Variants in ARHGAP32 observed in about 807,000 individuals in gnomAD.
ARHGAP32 encodes the protein rho GTPase-activating protein 32.
In ARHGAP32, 51 loss-of-function variants were observed where a neutral mutation model predicts 186.5. The ratio of observed to expected loss-of-function variants is 0.27; its 90% CI spans 0.22 to 0.35. ARHGAP32 has a LOEUF of 0.35. Ranked by LOEUF, ARHGAP32 falls within the 10% of genes least tolerant of loss-of-function variation. The pLI is 1.00. For synonymous variants in ARHGAP32, 950 were observed against 964.3 expected, an observed-to-expected ratio of 0.99 and a Z score of 0.27; for missense variants, 2,186 against 2,623.5, an observed-to-expected ratio of 0.83 and a Z score of 3.64.
At chr11:129,278,006 C>G (rs1945553869) in intron 1 of ARHGAP32, among the ~76,000 whole-genome samples, 1 of 152,194 alleles carries the variant, frequency 6.6e-6, no homozygotes, top group South Asian at 2.1e-4. Context: ...GTCACTGATT[C>G]AAACTAGCAA....
intron 2 of ARHGAP32, among the ~76,000 whole-genome samples, chr11:129,156,440 G>T (rs1047731779): frequency 6.6e-6 from 1 of 152,162 alleles, no homozygotes; most frequent in African/African-American, 2.4e-5. Context: ...GCTTGAACAG[G>T]CAATTTTCCC....
chr11:129,260,748 CAAT>C (rs1311624489), intron 1 of ARHGAP32, among the ~76,000 whole-genome samples: 23 of 152,018 alleles, frequency 1.5e-4, no homozygotes, highest in Admixed American at 1.5e-3. Context: ...AATCTTAGCA[CAAT>C]AAAATATGTT....
chr11:129,089,335 T>G (rs1941508684), intron 6 of ARHGAP32, among the ~76,000 whole-genome samples: 1 of 152,136 alleles, frequency 6.6e-6, no homozygotes, highest in Admixed American at 6.5e-5. Context: ...AACACATAAA[T>G]AAAATGATAG....
chr11:129,196,330 G>A (rs560419873), upstream of ARHGAP32, among the ~76,000 whole-genome samples: 10 of 152,258 alleles, frequency 6.6e-5, no homozygotes, highest in South Asian at 1.9e-3. Flanking sequence ...AAAAAAGAGG[G>A]ATGGTCCTAT....
At chr11:129,126,460 T>C (rs7944939) in intron 2 of ARHGAP32, among the ~76,000 whole-genome samples, 59,140 of 152,062 alleles carry the variant, frequency 0.39, 12,034 homozygotes, top group South Asian at 0.56. Context: ...TTTAAAAAGC[T>C]TGGAGACACC....
intron 11 of ARHGAP32, among the ~76,000 whole-genome samples, chr11:129,018,285 T>A (rs1938446165): frequency 1.3e-5 from 2 of 152,108 alleles, no homozygotes. Flanking sequence ...TGTAAACATA[T>A]TAGATGTGAA....
At chr11:129,025,627 G>A (rs980099766) in intron 11 of ARHGAP32, among the ~76,000 whole-genome samples, 2 of 151,530 alleles carry the variant, frequency 1.3e-5, no homozygotes, top group African/African-American at 4.8e-5. Context: ...AGACAGCAAG[G>A]GAGGGCAAGG....
At chr11:128,986,168 A>C in intron 14 of ARHGAP32, 83 bp from the exon 15 acceptor site, 1 of 1,053,766 alleles carries the variant, frequency 9.5e-7, no homozygotes, top group Non-Finnish European at 1.4e-6. Flanking sequence ...TTTCACTCTG[A>C]GATCAACTTG....
chr11:129,218,039 T>C (rs1350723126), intron 1 of ARHGAP32, among the ~76,000 whole-genome samples: 2 of 152,188 alleles, frequency 1.3e-5, no homozygotes, highest in Non-Finnish European at 2.9e-5. Flanking sequence ...TGCTTGTAAG[T>C]TGCTCTTGTC....
intron 15 of ARHGAP32, among the ~76,000 whole-genome samples, chr11:128,984,184 G>A (rs1945796283): frequency 6.6e-6 from 1 of 152,072 alleles, no homozygotes; most frequent in Non-Finnish European, 1.5e-5. Flanking sequence ...GACCAGCCTA[G>A]GCAACATGGC....
intron 1 of ARHGAP32, among the ~76,000 whole-genome samples, chr11:129,167,438 A>G (rs1943662487): frequency 6.6e-6 from 1 of 152,220 alleles, no homozygotes; most frequent in Admixed American, 6.5e-5. Flanking sequence ...AATATTATTC[A>G]TAATAGCCAA....
intron 11 of ARHGAP32, 31 bp downstream of exon 11, chr11:129,040,897 A>G (rs747861589): frequency 1.3e-6 from 2 of 1,519,368 alleles, no homozygotes; most frequent in Non-Finnish European, 1.8e-6. Flanking sequence ...AGTTGATAAA[A>G]TAACTACACT....
At chr11:128,988,180 G>C in intron 12 of ARHGAP32, 55 bp from the exon 13 acceptor site, 1 of 1,331,240 alleles carries the variant, frequency 7.5e-7, no homozygotes. Context: ...TGGAACCAAA[G>C]TTGCCAAAAA....
At chr11:129,015,223 A>G (rs982000665) in intron 11 of ARHGAP32, among the ~76,000 whole-genome samples, 2 of 152,192 alleles carry the variant, frequency 1.3e-5, no homozygotes, top group African/African-American at 2.4e-5. Flanking sequence ...TTGTATTCAC[A>G]TAAGTCTCTA....
At chr11:129,193,673 TAATATATAA>T (rs1944340361), upstream of ARHGAP32, among the ~76,000 whole-genome samples, 2 of 49,716 alleles carry the variant, frequency 4.0e-5, no homozygotes, top group Non-Finnish European at 7.3e-5. Flanking sequence ...ATATTATATA[TAATATATAA>T]TATATATTAT....
In ARHGAP32 at chr11:129,269,570, T is replaced by G. The variant is rs148431950; in HGVS notation, c.-5+9576A>C. Among the ~76,000 whole-genome samples the G allele has an allele frequency of 1.8e-4, 27 of 152,042 alleles. No homozygotes were observed. The East Asian group carries it at 5.3e-3, about 30-fold the overall frequency. On this transcript the variant is annotated intron_variant, in intron 1 of 6. Transcript: ENST00000525234. ...AGAGAGACTTCGTCTCTACAAAAATTACAAAAATTAGCCCGGCACAGTGGC... is the reference window on the plus strand; with the variant it reads ...AGAGAGACTTCGTCTCTACAAAAATGACAAAAATTAGCCCGGCACAGTGGC...
intron 1 of ARHGAP32, among the ~76,000 whole-genome samples, chr11:129,252,995 GAAC>G (rs977534953): frequency 3.3e-5 from 5 of 152,164 alleles, no homozygotes; most frequent in African/African-American, 1.2e-4. Flanking sequence ...TGGCCAAACA[GAAC>G]AATAAGGAGG....
intron 1 of ARHGAP32, among the ~76,000 whole-genome samples, chr11:129,271,704 T>C (rs1945474322): frequency 6.6e-6 from 1 of 151,994 alleles, no homozygotes; most frequent in Admixed American, 6.6e-5. Flanking sequence ...AGTGGGAAAG[T>C]AGAGATAAAC....
chr11:129,205,247 C>A (rs961183781), intron 1 of ARHGAP32, among the ~76,000 whole-genome samples: 1 of 152,088 alleles, frequency 6.6e-6, no homozygotes, highest in East Asian at 1.9e-4. Context: ...ATACAAAGTA[C>A]ATTTTCTGAT....
Sources: gnomAD v4.1 joint callset for allele counts (sites outside exome capture counted in the v4.1 genomes callset) on GRCh38, gnomAD v4.1.1 for gene constraint, MANE v1.5 for transcripts, NCBI Gene and HGNC (gene_info 2026-07-23, HGNC 2026-07-21) for gene names.